The following ZNF680 variants were observed in gnomAD, a reference collection of about 807,000 sequenced individuals.
ZNF680 encodes the protein hypothetical protein FLJ90430.
In ZNF680, 6 loss-of-function variants were observed where a neutral mutation model predicts 12.1. That is an observed-to-expected ratio of 0.49 (90% CI 0.27 to 0.98). The LOEUF (loss-of-function observed/expected upper bound fraction) is 0.98, where lower values mean the gene tolerates loss of function less well. ZNF680 is among the 50% of genes least tolerant of loss of function. The probability of loss-of-function intolerance (pLI) is 0.12; values close to 1 mark genes in which losing one functional copy is unlikely to be tolerated. For missense variants in ZNF680, 561 were observed against 616.3 expected, an observed-to-expected ratio of 0.91 and a Z score of 0.95; for synonymous variants, 170 against 199.3, an observed-to-expected ratio of 0.85 and a Z score of 1.24.
the ZNF680 span, among the ~76,000 whole-genome samples, chr7:64,507,602 C>T: frequency 2.6e-5 from 4 of 151,244 alleles, no homozygotes; most frequent in African/African-American, 7.3e-5. Context: ...CCCGGGTTCA[C>T]GTGATTCTCC....
At chr7:64,527,372 C>T (rs1791918819) in intron 3 of ZNF680, among the ~76,000 whole-genome samples, 1 of 152,064 alleles carries the variant, frequency 6.6e-6, no homozygotes, top group Non-Finnish European at 1.5e-5. Flanking sequence ...TTTAAGCAAT[C>T]ATTTTAAAAA....
chr7:64,501,997 C>CTTTTT, the ZNF680 span, among the ~76,000 whole-genome samples: 96 of 104,482 alleles, frequency 9.2e-4, 2 homozygotes, highest in African/African-American at 3.0e-3. Context: ...GGACGTATTT[C>CTTTTT]TTTTTTTTTT....
chr7:64,516,249 C>CT (rs1457836508), downstream of ZNF680, among the ~76,000 whole-genome samples: 1 of 152,174 alleles, frequency 6.6e-6, no homozygotes, highest in African/African-American at 2.4e-5. Context: ...ACAAAAAACT[C>CT]TAAGTGTTAT....
At chr7:64,553,795 C>T (rs981442280) in intron 1 of ZNF680, among the ~76,000 whole-genome samples, 6 of 152,292 alleles carry the variant, frequency 3.9e-5, no homozygotes, top group African/African-American at 1.2e-4. Context: ...CTGTGTTGGC[C>T]GGGCTGGTCT....
the ZNF680 span, among the ~76,000 whole-genome samples, chr7:64,508,089 A>T: frequency 4.1e-5 from 6 of 145,080 alleles, no homozygotes; most frequent in African/African-American, 1.6e-4. Context: ...TTGTTAGAGA[A>T]ACAAGTTATT....
chr7:64,536,178 C>T lies in ZNF680; in HGVS notation c.253+7529G>A, dbSNP rs187874355. On this transcript the variant is annotated intron_variant, in intron 3 of 3. Coordinates refer to ENST00000309683, the MANE Select transcript of ZNF680 (RefSeq NM_178558.5). ...CATAATAATTGTAGATATCAAGACC[C>T]CATTTTCAATAATAAAAAATTAAGA... Among the ~76,000 whole-genome samples the T allele has an allele frequency of 1.3e-3, 191 of 151,988 alleles. 1 individual carries two copies. The highest frequency in any genetic ancestry group is 2.1e-3 in the Non-Finnish European group (142 of 67,990).
At chr7:64,512,892 C>A in the ZNF680 span, among the ~76,000 whole-genome samples, 2 of 151,932 alleles carry the variant, frequency 1.3e-5, no homozygotes, top group African/African-American at 4.8e-5. Context: ...GTTTATGTAA[C>A]TTTAATCTTT....
In ZNF680 at chr7:64,521,665, T is replaced by A. The variant is rs1791540393; in HGVS notation, c.1089A>T (p.Ala363=). The A allele has an allele frequency of 6.2e-7, 1 of 1,612,268 alleles. No homozygotes were observed. Among genetic ancestry groups the A allele is most frequent in the Non-Finnish European group, 8.5e-7 (1 of 1,179,738 alleles). Residue 363 remains alanine (A), a synonymous_variant, in exon 4 of 4, where the codon GCA becomes GCT. Coordinates refer to ENST00000309683, the MANE Select transcript of ZNF680 (RefSeq NM_178558.5). ...EECGKAFNQF[A]NLTRHKKIHT... ...GAATTTTCTTATGTCTAGTAAGGTTTGCAAACTGGTTAAAAGCTTTGCCAC... is the reference window on the plus strand; with the variant it reads ...GAATTTTCTTATGTCTAGTAAGGTTAGCAAACTGGTTAAAAGCTTTGCCAC...
chr7:64,526,434 A>C, intron 3 of ZNF680: 1 of 1,495,920 alleles, frequency 6.7e-7, no homozygotes, highest in Non-Finnish European at 9.0e-7. Flanking sequence ...TTATTTCTGT[A>C]ATCCCACATC....
intron 3 of ZNF680, among the ~76,000 whole-genome samples, chr7:64,523,955 T>A (rs1328843588): frequency 6.6e-6 from 1 of 151,918 alleles, no homozygotes; most frequent in Non-Finnish European, 1.5e-5. Flanking sequence ...CCAACATGCC[T>A]TTTTACAAGG....
At chr7:64,547,716 T>G (rs1377885317) in intron 1 of ZNF680, among the ~76,000 whole-genome samples, 1 of 152,216 alleles carries the variant, frequency 6.6e-6, no homozygotes, top group African/African-American at 2.4e-5. Flanking sequence ...GAAAAAATTT[T>G]TATTGTGTTT....
the ZNF680 span, among the ~76,000 whole-genome samples, chr7:64,508,123 G>GTATATATATATATATATATATATA: frequency 6.7e-3 from 785 of 117,490 alleles, 68 homozygotes; most frequent in African/African-American, 0.028. Context: ...ATTTTAAAAT[G>GTATATATATATATATATATATATA]TATATATATA....
intron 3 of ZNF680, among the ~76,000 whole-genome samples, chr7:64,542,404 T>G (rs899591557): frequency 6.6e-6 from 1 of 152,194 alleles, no homozygotes; most frequent in Admixed American, 6.5e-5. Flanking sequence ...TTAAACTCAC[T>G]GAAATTGAAG....
At chr7:64,533,031 A>T (rs553683638) in intron 3 of ZNF680, among the ~76,000 whole-genome samples, 1 of 152,328 alleles carries the variant, frequency 6.6e-6, no homozygotes, top group South Asian at 2.1e-4. Flanking sequence ...ACGTAATAAA[A>T]GTCATCTATG....
chr7:64,537,547 A>C (rs922041229), intron 3 of ZNF680, among the ~76,000 whole-genome samples: 2 of 152,232 alleles, frequency 1.3e-5, no homozygotes, highest in Non-Finnish European at 2.9e-5. Context: ...AAAAAAAAGC[A>C]TTATACTTCC....
downstream of ZNF680, among the ~76,000 whole-genome samples, chr7:64,517,032 T>G (rs190840485): frequency 9.9e-5 from 15 of 152,030 alleles, no homozygotes; most frequent in East Asian, 2.9e-3. Flanking sequence ...CACAATATAC[T>G]AAGGTCACAC....
intron 3 of ZNF680, among the ~76,000 whole-genome samples, chr7:64,528,111 T>C (rs1288001121): frequency 7.0e-6 from 1 of 143,218 alleles, no homozygotes; most frequent in Non-Finnish European, 1.6e-5. Flanking sequence ...GAGAGCCAAG[T>C]GAAATATGGG....
chr7:64,543,586 C>T, intron 3 of ZNF680, 121 bp downstream of exon 3: 1 of 809,636 alleles, frequency 1.2e-6, no homozygotes, highest in Admixed American at 2.5e-5. Flanking sequence ...AACTGAGCTT[C>T]CCAAAAACTA....
chr7:64,554,648 G>C (rs1787304447), intron 1 of ZNF680, among the ~76,000 whole-genome samples: 2 of 152,336 alleles, frequency 1.3e-5, no homozygotes, highest in African/African-American at 2.4e-5. Flanking sequence ...TACTGGCAAA[G>C]ATTCTTCTGC....
Sources: allele counts gnomAD v4.1 joint callset (sites outside exome capture counted in the v4.1 genomes callset), GRCh38; gene constraint gnomAD v4.1.1; transcripts MANE v1.5; gene names NCBI Gene and HGNC (gene_info 2026-07-23, HGNC 2026-07-21).